NKAIN2: variants seen among roughly 807,000 people sequenced by gnomAD.
NKAIN2 encodes the protein sodium/potassium-transporting ATPase subunit beta-1-interacting protein 2.
Under a neutral mutation model 32.6 loss-of-function variants are expected in NKAIN2, and 14 were observed. The observed-to-expected ratio is 0.43, with a 90% CI of 0.28 to 0.67. NKAIN2 has a LOEUF of 0.67. Ranked by LOEUF, NKAIN2 falls within the 30% of genes least tolerant of loss-of-function variation. The pLI is 0.17. For missense variants in NKAIN2, 198 were observed against 258.3 expected (o/e 0.77, Z 1.60); for synonymous variants, 80 against 87.2 (o/e 0.92, Z 0.46).
At chr6:124,016,765 T>C (rs1411888679) in intron 1 of NKAIN2, among the ~76,000 whole-genome samples, 1 of 152,056 alleles carries the variant, frequency 6.6e-6, no homozygotes, top group African/African-American at 2.4e-5. Context: ...TGTGAGGTTG[T>C]TTTCAATTTT....
At chr6:124,341,766 T>A (rs973336741) in intron 2 of NKAIN2, among the ~76,000 whole-genome samples, 1 of 152,180 alleles carries the variant, frequency 6.6e-6, no homozygotes, top group African/African-American at 2.4e-5. Context: ...GTTATAATAA[T>A]AGTGTGTTTT....
At chr6:124,688,200 C>G (rs1774082467) in intron 4 of NKAIN2, among the ~76,000 whole-genome samples, 1 of 152,092 alleles carries the variant, frequency 6.6e-6, no homozygotes, top group Non-Finnish European at 1.5e-5. Context: ...TCCGTTACCA[C>G]ATTCAGTGCT....
chr6:123,921,232 T>C (rs1255820553), intron 1 of NKAIN2, among the ~76,000 whole-genome samples: 1 of 152,230 alleles, frequency 6.6e-6, no homozygotes, highest in Non-Finnish European at 1.5e-5. Flanking sequence ...AGGCAGTCCC[T>C]TCTCAGATAT....
At chr6:124,303,957 C>T (rs1339516876) in intron 2 of NKAIN2, among the ~76,000 whole-genome samples, 2 of 152,062 alleles carry the variant, frequency 1.3e-5, no homozygotes, top group East Asian at 3.9e-4. Context: ...GCTTGGGTAA[C>T]CAAATGAGTG....
chr6:124,359,713 T>C lies in NKAIN2; in HGVS notation c.273+4366T>C, dbSNP rs1184845955. Reference sequence around the variant, plus strand: ...TTTCTAGATATACAATGATGTCATCTGCGAACAGGGACAATTTGACTTCCT... The same window carrying C: ...TTTCTAGATATACAATGATGTCATCCGCGAACAGGGACAATTTGACTTCCT... On this transcript the variant is annotated intron_variant, in intron 3 of 6. Coordinates refer to ENST00000368417, the MANE Select transcript of NKAIN2 (RefSeq NM_001040214.3). 3.3e-5 allele frequency among the ~76,000 whole-genome samples: 5 copies of C among 152,322 alleles called. No individual in the cohort carries two copies. In the East Asian group the frequency reaches 9.7e-4, roughly 29 times the overall value.
At chr6:123,945,585 C>G (rs1007760464) in intron 1 of NKAIN2, among the ~76,000 whole-genome samples, 2 of 152,058 alleles carry the variant, frequency 1.3e-5, no homozygotes, top group African/African-American at 4.8e-5. Context: ...GGCAGTAATG[C>G]TGAAGTCAGC....
intron 1 of NKAIN2, among the ~76,000 whole-genome samples, chr6:123,933,463 T>G (rs1045648080): frequency 6.6e-6 from 1 of 152,234 alleles, no homozygotes; most frequent in African/African-American, 2.4e-5. Context: ...CTATCTCAAC[T>G]GATTTAACTT....
rs142017827 is a variant in NKAIN2, at chr6:123,998,810, CATAT to C, written c.54+194573_54+194576del. Among the ~76,000 whole-genome samples the C allele has an allele frequency of 7.8e-4, 99 of 127,726 alleles. 1 individual carries two copies. Among genetic ancestry groups the C allele is most frequent in the African/African-American group, 2.6e-3 (93 of 35,694 alleles). The allele number at this position is 127,726 out of a possible 152,430, so 83.8% of individuals were successfully genotyped here. A position where few individuals can be genotyped will look rare whatever the true frequency, so the allele number is the denominator to read the frequency against. ...TATATATATAGGGTGATGGTATATACATATATATATATATATATATGGTGATGGT... is the reference window on the plus strand; with the variant it reads ...TATATATATAGGGTGATGGTATATACATATATATATATATATGGTGATGGT... On this transcript the variant is annotated intron_variant, in intron 1 of 6. Coordinates refer to ENST00000368417, the MANE Select transcript of NKAIN2 (RefSeq NM_001040214.3).
intron 2 of NKAIN2, among the ~76,000 whole-genome samples, chr6:124,335,169 T>C (rs1797816006): frequency 1.3e-5 from 2 of 152,218 alleles, no homozygotes; most frequent in South Asian, 4.1e-4. Context: ...GAAATCTTTT[T>C]TATATAAAAG....
intron 2 of NKAIN2, among the ~76,000 whole-genome samples, chr6:124,303,494 A>C (rs762052460): frequency 1.3e-5 from 2 of 152,222 alleles, no homozygotes; most frequent in Admixed American, 1.3e-4. Context: ...CAAGAATGCT[A>C]TGTGTGTCAA....
At chr6:123,904,296 G>A (rs1229562379) in intron 1 of NKAIN2, among the ~76,000 whole-genome samples, 2 of 152,074 alleles carry the variant, frequency 1.3e-5, no homozygotes, top group Admixed American at 6.5e-5. Flanking sequence ...TTTAGGAACC[G>A]AATGTTGATA....
At chr6:124,575,369 T>A (rs142824439) in intron 3 of NKAIN2, among the ~76,000 whole-genome samples, 1 of 152,254 alleles carries the variant, frequency 6.6e-6, no homozygotes, top group Admixed American at 6.5e-5. Flanking sequence ...GACTGTCTTC[T>A]CTTTTATAAT....
chr6:124,567,793 C>A (rs1780977051), intron 3 of NKAIN2, among the ~76,000 whole-genome samples: 1 of 152,164 alleles, frequency 6.6e-6, no homozygotes, highest in South Asian at 2.1e-4. Flanking sequence ...GCATATACTT[C>A]TCTTTTTTTT....
At chr6:124,729,409 C>G (rs562690772) in intron 4 of NKAIN2, among the ~76,000 whole-genome samples, 166 of 151,872 alleles carry the variant, frequency 1.1e-3, no homozygotes, top group African/African-American at 3.9e-3. Flanking sequence ...TCAATATACA[C>G]AAATCAATAA....
intron 3 of NKAIN2, among the ~76,000 whole-genome samples, chr6:124,547,283 T>G (rs1476440924): frequency 1.3e-5 from 2 of 152,228 alleles, no homozygotes; most frequent in Non-Finnish European, 1.5e-5. Flanking sequence ...CAGGTTTTTT[T>G]TTTAGCCTTT....
rs1399658184 is a variant in NKAIN2 at position 123,807,096 on chromosome 6, ATTAG to A, written c.54+2846_54+2849del. ...TCAGAATTCTATATCTGTGCTTTAA[ATTAG>A]TTAAATATACATTTAATTTAATGTT... On this transcript the variant is annotated intron_variant, in intron 1 of 6. Coordinates refer to ENST00000368417, the MANE Select transcript of NKAIN2 (RefSeq NM_001040214.3). 5.3e-5 allele frequency among the ~76,000 whole-genome samples: 8 copies of A among 152,200 alleles called. No individual in the cohort carries two copies. The East Asian group carries it at 1.3e-3, about 26-fold the overall frequency.
chr6:123,997,541 G>C (rs1187810106), intron 1 of NKAIN2, among the ~76,000 whole-genome samples: 1 of 151,126 alleles, frequency 6.6e-6, no homozygotes, highest in African/African-American at 2.4e-5. Context: ...TGGCAGTTTG[G>C]CTATTTTTTA....
intron 1 of NKAIN2, among the ~76,000 whole-genome samples, chr6:123,818,400 C>G (rs1228995217): frequency 1.5e-5 from 2 of 135,456 alleles, no homozygotes; most frequent in East Asian, 2.3e-4. Context: ...CACACACACA[C>G]AGAGGAATCA....
At chr6:123,995,203 T>C (rs1779565745) in intron 1 of NKAIN2, among the ~76,000 whole-genome samples, 1 of 152,098 alleles carries the variant, frequency 6.6e-6, no homozygotes, top group Non-Finnish European at 1.5e-5. Context: ...TCAAAAGATT[T>C]TGATAAATGA....
Sources: allele counts gnomAD v4.1 joint callset (sites outside exome capture counted in the v4.1 genomes callset), GRCh38; gene constraint gnomAD v4.1.1; transcripts MANE v1.5; gene names NCBI Gene and HGNC (gene_info 2026-07-23, HGNC 2026-07-21).